Variants in AKAP13 observed in about 807,000 individuals in gnomAD.
AKAP13 encodes the protein A-kinase anchoring protein 13.
A neutral mutation model predicts 264.5 loss-of-function variants in AKAP13; 80 were observed. The observed-to-expected ratio is 0.30, with a 90% CI of 0.25 to 0.36. AKAP13 has a LOEUF of 0.36. Ranked by LOEUF, AKAP13 falls within the 10% of genes least tolerant of loss-of-function variation. The pLI is 1.00. For missense variants in AKAP13, 3,712 were observed against 3,435.2 expected (o/e 1.08, Z -2.01); for synonymous variants, 1,380 against 1,250.2 (o/e 1.10, Z -2.19).
Position 85,745,895 on chromosome 15 carries a change from CTGT to C in AKAP13, c.*1224_*1226del, listed in dbSNP as rs1443667124. 6.6e-6 allele frequency: 1 copy of C among 152,250 alleles called. No homozygotes were observed. Among genetic ancestry groups the C allele is most frequent in the Non-Finnish European group, 1.5e-5 (1 of 68,068 alleles). The allele number at this position is 152,250 out of a possible 1,614,324, so 9.4% of individuals were successfully genotyped here. A position where few individuals can be genotyped will look rare whatever the true frequency, so the allele number is the denominator to read the frequency against. The stretch of plus-strand genomic sequence containing the variant: ...TTTCTTCAAAAATACATGTAAAGGT[CTGT>C]TGTTGAATTGTACTCTGCCCCTGGA... On this transcript the variant is annotated 3_prime_UTR_variant, in exon 37 of 37. Coordinates refer to ENST00000394518, the MANE Select transcript of AKAP13 (RefSeq NM_007200.5).
intron 8 of AKAP13, among the ~76,000 whole-genome samples, chr15:85,612,527 C>T (rs2080691199): frequency 6.6e-6 from 1 of 152,046 alleles, no homozygotes; most frequent in Non-Finnish European, 1.5e-5. Context: ...GTATAGTTAT[C>T]ATGTTTAAGT....
intron 2 of AKAP13, among the ~76,000 whole-genome samples, chr15:85,505,567 A>G (rs1236791172): frequency 6.6e-6 from 1 of 152,238 alleles, no homozygotes; most frequent in Non-Finnish European, 1.5e-5. Context: ...AATGCCAAAT[A>G]AAATTCTTTA....
chr15:85,585,827 A>G lies in AKAP13; in HGVS notation c.4161+4A>G. On this transcript the variant is annotated splice_donor_region_variant and intron_variant, in intron 8 of 36. Transcript: ENST00000394518. ...GCAAGGCCCAATGACCCAGGCGGTA[A>G]GTGGCATCAGTAAGTCTATAAGGGC... is the stretch of plus-strand genomic sequence containing the variant. 1 of 1,613,946 alleles carries G rather than the reference A, an allele frequency of 6.2e-7. No individual in the cohort carries two copies. The highest frequency in any genetic ancestry group is 8.5e-7 in the Non-Finnish European group (1 of 1,179,910).
At chr15:85,491,876 A>C (rs118085296) in intron 2 of AKAP13, among the ~76,000 whole-genome samples, 190 of 152,326 alleles carry the variant, frequency 1.2e-3, no homozygotes, top group South Asian at 4.8e-3. Flanking sequence ...TGCATGCCTT[A>C]CGTTAATGCA....
chr15:85,699,721 A>G (rs1266858860), intron 17 of AKAP13, among the ~76,000 whole-genome samples: 1 of 152,260 alleles, frequency 6.6e-6, no homozygotes, highest in East Asian at 1.9e-4. Flanking sequence ...ATTTGATTTG[A>G]GAATTTAATG....
At position 85,477,636 on chromosome 15, in the gene AKAP13, G is replaced by GAAAAAAA. The variant is rs1567077572; in HGVS notation, c.-11-8074_-11-8073insAAAAAAA. On this transcript the variant is annotated intron_variant, in intron 1 of 36. Transcript: ENST00000394518. ...GAAATTTGAACTGAGCTTAAAAAAA[G>GAAAAAAA]GAAAAAAAAAAAAAAAAAAAAAGGC... 5.8e-5 allele frequency among the ~76,000 whole-genome samples: 2 copies of GAAAAAAA among 34,306 alleles called. 1 individual carries two copies. The highest frequency in any genetic ancestry group is 1.4e-4 in the Non-Finnish European group (2 of 13,924). 22.5% of individuals were successfully genotyped at this position (34,306 alleles called of 152,430 possible). A position where few individuals can be genotyped will look rare whatever the true frequency, so the allele number is the denominator to read the frequency against.
intron 5 of AKAP13, among the ~76,000 whole-genome samples, chr15:85,555,964 G>C (rs1410073202): frequency 6.6e-6 from 1 of 152,140 alleles, no homozygotes; most frequent in African/African-American, 2.4e-5. Flanking sequence ...TACTTTATTA[G>C]CTTCTGATAA....
intron 1 of AKAP13, among the ~76,000 whole-genome samples, chr15:85,462,919 G>A (rs1166186663): frequency 6.7e-6 from 1 of 148,176 alleles, no homozygotes; most frequent in African/African-American, 2.5e-5. Flanking sequence ...AGCTACTTGG[G>A]AGGCTGAGGC....
chr15:85,543,452 A>G (rs1402682420), intron 4 of AKAP13, among the ~76,000 whole-genome samples: 2 of 152,226 alleles, frequency 1.3e-5, no homozygotes, highest in African/African-American at 4.8e-5. Context: ...TCGCCTTTAT[A>G]TGCCTGCCTG....
chr15:85,528,209 A>G (rs1409604050), intron 3 of AKAP13, among the ~76,000 whole-genome samples: 1 of 152,230 alleles, frequency 6.6e-6, no homozygotes, highest in Non-Finnish European at 1.5e-5. Context: ...CCTCGCACAC[A>G]CACACCTCCT....
At chr15:85,704,598 A>T (rs2151678444) in intron 17 of AKAP13, among the ~76,000 whole-genome samples, 1 of 152,326 alleles carries the variant, frequency 6.6e-6, no homozygotes. Context: ...GAGGAATCCG[A>T]TTAGGGATCA....
chr15:85,690,835 T>A (rs1471185151), intron 16 of AKAP13, among the ~76,000 whole-genome samples: 1 of 152,226 alleles, frequency 6.6e-6, no homozygotes, highest in Non-Finnish European at 1.5e-5. Context: ...AATTTCAGCT[T>A]GAGCAGTTAT....
Position 85,503,971 on chromosome 15 carries a change from G to C in AKAP13, c.34-17457G>C, listed in dbSNP as rs185058682. Among the ~76,000 whole-genome samples, 3 of 152,282 alleles carry C rather than the reference G, an allele frequency of 2.0e-5. No individual in the cohort carries two copies. In the East Asian group the frequency reaches 5.8e-4, roughly 29 times the overall value. On this transcript the variant is annotated intron_variant, in intron 2 of 36. Transcript: ENST00000394518. Reference sequence around the variant, plus strand: ...AGGTTTGTTGGGGGCTTTGTGTGCTGTGTGTTGAAGGGACATGCTCAGGCA... The same window carrying C: ...AGGTTTGTTGGGGGCTTTGTGTGCTCTGTGTTGAAGGGACATGCTCAGGCA...
chr15:85,459,291 T>C (rs990359784), intron 1 of AKAP13, among the ~76,000 whole-genome samples: 3 of 151,784 alleles, frequency 2.0e-5, no homozygotes, highest in African/African-American at 4.8e-5. Context: ...GTTCAAAAGA[T>C]TATCCTGCCT....
At chr15:85,487,138 ATAATC>A (rs1211248054) in intron 2 of AKAP13, among the ~76,000 whole-genome samples, 2 of 152,222 alleles carry the variant, frequency 1.3e-5, no homozygotes, top group African/African-American at 4.8e-5. Flanking sequence ...GTTACAAACT[ATAATC>A]TAACTTGTTT....
At chr15:85,536,226 T>C (rs7173944) in intron 4 of AKAP13, 23,697 of 152,186 alleles carry the variant, frequency 0.16, 2,795 homozygotes, top group African/African-American at 0.32. Context: ...CAAGCAGTGC[T>C]AACAAAGGCC....
At chr15:85,517,256 A>G (rs1017544710) in intron 2 of AKAP13, among the ~76,000 whole-genome samples, 15 of 151,926 alleles carry the variant, frequency 9.9e-5, no homozygotes, top group South Asian at 2.1e-4. Context: ...CATATCTACT[A>G]CCTTCCCTGT....
chr15:85,558,225 T>C (rs190863722), intron 5 of AKAP13, among the ~76,000 whole-genome samples: 4 of 152,370 alleles, frequency 2.6e-5, no homozygotes, highest in African/African-American at 7.2e-5. Context: ...ATCAATGTTA[T>C]ATGTTTCTGC....
intron 4 of AKAP13, among the ~76,000 whole-genome samples, chr15:85,537,737 C>A (rs1407408586): frequency 6.6e-6 from 1 of 152,208 alleles, no homozygotes; most frequent in South Asian, 2.1e-4. Context: ...TACTCAATCT[C>A]TCTGTTACTT....
Sources: allele counts gnomAD v4.1 joint callset (sites outside exome capture counted in the v4.1 genomes callset), GRCh38; gene constraint gnomAD v4.1.1; transcripts MANE v1.5; gene names NCBI Gene and HGNC (gene_info 2026-07-23, HGNC 2026-07-21).